Variants in ZNF91 observed in about 807,000 individuals in gnomAD.
ZNF91 encodes zinc finger protein 91 (HPF7, HTF10).
A neutral mutation model predicts 12.6 loss-of-function variants in ZNF91; 7 were observed. The ratio of observed to expected loss-of-function variants is 0.55; its 90% confidence interval spans 0.31 to 1.04. ZNF91 has a LOEUF of 1.04. Ranked by LOEUF, ZNF91 falls within the 50% of genes least tolerant of loss-of-function variation. The pLI is 0.05. For missense variants in ZNF91, 1,217 were observed against 1,385.4 expected (o/e 0.88, Z 1.93); for synonymous variants, 453 against 462.6 (o/e 0.98, Z 0.27).
Position 23,359,483 on chromosome 19 carries a change from A to G in ZNF91, c.3496T>C (p.Trp1166Arg), listed in dbSNP as rs760312253. The G allele has an allele frequency of 6.2e-7, 1 of 1,611,256 alleles. No individual in the cohort carries two copies. Among genetic ancestry groups the G allele is most frequent in the Non-Finnish European group, 8.5e-7 (1 of 1,177,552 alleles). The part of the protein sequence containing the change: ...HTITPVIPLL[W>R]EAEAGGSRGQ... The stretch of plus-strand genomic sequence containing the variant: ...CGTGATCCGCCCGCCTCGGCCTCCC[A>G]AAGTAGTGGGATTACAGGTGTGATA... The change falls in exon 4 of 4, where the codon TGG (tryptophan) becomes CGG (arginine). Residue 1166 changes from tryptophan to arginine, a missense_variant. Around this residue, in one of 2 missense-constraint regions of ZNF91, gnomAD observed 491 missense variants for 489.8 expected, o/e 1.00. Coordinates refer to ENST00000300619, the MANE Select transcript of ZNF91 (RefSeq NM_003430.4).
rs772633614 is a variant in ZNF91, at chr19:23,359,577, G to C, written c.3402C>G (p.Tyr1134Ter). 1 of 1,614,034 alleles carries C rather than the reference G, an allele frequency of 6.2e-7. No homozygotes were observed. ...AGGCTTTGCCACATTTTTCACATTT[G>C]TAGGGTTTCTCTCCAGTGTGAATTA... ...HKIIHTGEKP[Y>*]KCEKCGKAFN... The change falls in exon 4 of 4, where the codon TAC becomes TAG. Residue 1134 changes from tyrosine to a stop codon, truncating the protein, a stop_gained. Transcript: ENST00000300619. LOFTEE classifies it low-confidence loss of function (END_TRUNC).
At chr19:23,327,435 G>T (rs1473338096) in intron 1 of ZNF91, 1 of 152,076 alleles carries the variant, frequency 6.6e-6, no homozygotes, top group Non-Finnish European at 1.5e-5. Context: ...TGAAACATTT[G>T]AATGGGTTTT....
chr19:23,350,663 T>C (rs996997165), intron 3 of ZNF91, among the ~76,000 whole-genome samples: 1 of 152,084 alleles, frequency 6.6e-6, no homozygotes, highest in Non-Finnish European at 1.5e-5. Flanking sequence ...AACTTCTCCC[T>C]CCTCAGGCCC....
chr19:23,317,717 T>G (rs2145851521), intron 1 of ZNF91, among the ~76,000 whole-genome samples: 1 of 152,300 alleles, frequency 6.6e-6, no homozygotes, highest in Non-Finnish European at 1.5e-5. Flanking sequence ...ACAGGTAGGC[T>G]GGTGACTCTC....
At chr19:23,313,590 C>T (rs577923133), upstream of ZNF91, among the ~76,000 whole-genome samples, 1 of 152,256 alleles carries the variant, frequency 6.6e-6, no homozygotes, top group African/African-American at 2.4e-5. Context: ...GTCCTGCTTT[C>T]AGGAGGGGAT....
At chr19:23,334,790 C>T (rs996916157), downstream of ZNF91, among the ~76,000 whole-genome samples, 1 of 152,010 alleles carries the variant, frequency 6.6e-6, no homozygotes, top group African/African-American at 2.4e-5. Context: ...TTACCAAAAG[C>T]TTATACAAAT....
intron 3 of ZNF91, among the ~76,000 whole-genome samples, 172 bp from the exon 4 acceptor site, chr19:23,362,897 G>A (rs756900491): frequency 1.2e-4 from 19 of 152,034 alleles, no homozygotes; most frequent in Non-Finnish European, 1.8e-4. Context: ...TTTTTGAGAC[G>A]GAGTCTCGCT....
At chr19:23,342,764 C>T (rs950155012) in intron 3 of ZNF91, among the ~76,000 whole-genome samples, 1 of 152,014 alleles carries the variant, frequency 6.6e-6, no homozygotes, top group African/African-American at 2.4e-5. Flanking sequence ...TATATTTATT[C>T]TCACCGAGAG....
At chr19:23,335,208 G>A (rs1037232268), downstream of ZNF91, among the ~76,000 whole-genome samples, 8 of 152,142 alleles carry the variant, frequency 5.3e-5, no homozygotes, top group Admixed American at 2.6e-4. Flanking sequence ...AGGGGCACCC[G>A]GCTGTATGAG....
intron 1 of ZNF91, among the ~76,000 whole-genome samples, chr19:23,381,439 A>C (rs1238921743): frequency 1.3e-5 from 2 of 151,724 alleles, no homozygotes; most frequent in Non-Finnish European, 2.9e-5. Context: ...TCAGTTTATA[A>C]ACTGAACTCT....
At chr19:23,355,655 A>G (rs1239085646), downstream of ZNF91, among the ~76,000 whole-genome samples, 2 of 152,258 alleles carry the variant, frequency 1.3e-5, no homozygotes, top group African/African-American at 2.4e-5. Context: ...CAGTCAGCAG[A>G]GTAAACAGAC....
In ZNF91 at chr19:23,358,903, A is replaced by G. The variant is rs1338012441; in HGVS notation, c.*500T>C. ...AGTATGAATAATATTATGTCTGTTA[A>G]GAATTCAGGACTTTTTATAGACTTT... On this transcript the variant is annotated 3_prime_UTR_variant, in exon 4 of 4. Transcript: ENST00000300619. 1.4e-5 allele frequency: 3 copies of G among 218,498 alleles called. No individual in the cohort carries two copies. The East Asian group carries it at 3.8e-4, about 27-fold the overall frequency. 13.5% of individuals were successfully genotyped at this position (218,498 alleles called of 1,614,324 possible). A position where few individuals can be genotyped will look rare whatever the true frequency, so the allele number is the denominator to read the frequency against.
chr19:23,334,191 T>C (rs2145873991), downstream of ZNF91, among the ~76,000 whole-genome samples: 1 of 152,316 alleles, frequency 6.6e-6, no homozygotes, highest in South Asian at 2.1e-4. Context: ...ATAAGGCTTA[T>C]TTGAGGACAG....
chr19:23,360,356 T>C lies in ZNF91; in HGVS notation c.2623A>G (p.Ile875Val). The stretch of plus-strand genomic sequence containing the variant: ...TTGGAAGGTTTCTCTTTAGTATGAA[T>C]TATCTTATGTGTCGTAAGATTTGAA... ...QSSNLTTHKI[I>V]HTKEKPSKSE... The change falls in exon 4 of 4, where the codon ATT (isoleucine) becomes GTT (valine). Residue 875 changes from isoleucine to valine, a missense_variant. Around this residue, in one of 2 missense-constraint regions of ZNF91, gnomAD observed 491 missense variants for 489.8 expected, o/e 1.00. Transcript: ENST00000300619. 1 of 1,614,100 alleles carries C rather than the reference T, an allele frequency of 6.2e-7. No homozygotes were observed. The highest frequency in any genetic ancestry group is 8.5e-7 in the Non-Finnish European group (1 of 1,180,008).
intron 1 of ZNF91, among the ~76,000 whole-genome samples, chr19:23,389,415 A>C (rs1207637608): frequency 6.6e-6 from 1 of 152,100 alleles, no homozygotes; most frequent in Non-Finnish European, 1.5e-5. Flanking sequence ...AAAAAAAAAA[A>C]AAACACTAGG....
downstream of ZNF91, among the ~76,000 whole-genome samples, chr19:23,355,319 A>T (rs1968458424): frequency 1.3e-5 from 2 of 152,136 alleles, no homozygotes; most frequent in African/African-American, 4.8e-5. Context: ...ACAGCCAAGC[A>T]ATCTTCAAAA....
chr19:23,323,235 C>T (rs1304399360), intron 1 of ZNF91, among the ~76,000 whole-genome samples: 3 of 147,954 alleles, frequency 2.0e-5, no homozygotes, highest in African/African-American at 7.5e-5. Flanking sequence ...TCTCCTTCTT[C>T]TCCTCTCCTT....
chr19:23,388,278 T>C (rs1969943266), intron 1 of ZNF91, among the ~76,000 whole-genome samples: 1 of 151,804 alleles, frequency 6.6e-6, no homozygotes, highest in South Asian at 2.1e-4. Flanking sequence ...TAAAAAAATA[T>C]GATACATAAA....
chr19:23,306,453 A>C (rs1206531159), intron 3 of ZNF91, among the ~76,000 whole-genome samples: 2 of 151,966 alleles, frequency 1.3e-5, no homozygotes, highest in African/African-American at 2.4e-5. Context: ...TCACAGGGGA[A>C]TTGTAACGTA....
Sources: gnomAD v4.1 joint callset for allele counts (sites outside exome capture counted in the v4.1 genomes callset) on GRCh38, gnomAD v4.1.1 for gene constraint, gnomAD v4.1.1 regional missense constraint, MANE v1.5 for transcripts, NCBI Gene and HGNC (gene_info 2026-07-23, HGNC 2026-07-21) for gene names.